Variants in STON2 observed in about 807,000 individuals in gnomAD.
STON2 encodes stonin 2.
Under a neutral mutation model 65.7 loss-of-function variants are expected in STON2, and 29 were observed. The observed-to-expected ratio is 0.44, with a 90% CI of 0.33 to 0.60. STON2 has a LOEUF of 0.60. Ranked by LOEUF, STON2 falls within the 20% of genes least tolerant of loss-of-function variation. The pLI is 0.03. For synonymous variants in STON2, 404 were observed against 414.2 expected, an observed-to-expected ratio of 0.98 and a Z score of 0.30; for missense variants, 1,054 against 1,118.1, an observed-to-expected ratio of 0.94 and a Z score of 0.82.
chr14:81,375,360 T>C (rs918955380), intron 3 of STON2, among the ~76,000 whole-genome samples: 1 of 151,960 alleles, frequency 6.6e-6, no homozygotes, highest in African/African-American at 2.4e-5. Context: ...CAAAGGATTA[T>C]CAATGATGAA....
chr14:81,342,000 CT>C (rs1325123211), intron 4 of STON2, among the ~76,000 whole-genome samples: 2 of 152,204 alleles, frequency 1.3e-5, no homozygotes, highest in African/African-American at 4.8e-5. Flanking sequence ...TTCACAGGCA[CT>C]GATCTAGGAG....
intron 1 of STON2, among the ~76,000 whole-genome samples, chr14:81,433,672 G>A (rs1902301847): frequency 6.6e-6 from 1 of 152,202 alleles, no homozygotes; most frequent in Non-Finnish European, 1.5e-5. Context: ...AGATGCTACA[G>A]TTTTGTTCTA....
At chr14:81,327,151 C>A (rs2140256168) in intron 4 of STON2, among the ~76,000 whole-genome samples, 1 of 152,246 alleles carries the variant, frequency 6.6e-6, no homozygotes, top group South Asian at 2.1e-4. Context: ...GCGCAAGACT[C>A]CATCTCAAAA....
chr14:81,303,367 T>A (rs1896045834), intron 5 of STON2, among the ~76,000 whole-genome samples: 1 of 152,172 alleles, frequency 6.6e-6, no homozygotes, highest in South Asian at 2.1e-4. Flanking sequence ...GATCAAGCAT[T>A]GTGCACACTT....
intron 2 of STON2, among the ~76,000 whole-genome samples, chr14:81,416,015 G>C (rs987333745): frequency 6.6e-6 from 1 of 152,132 alleles, no homozygotes; most frequent in Admixed American, 6.5e-5. Flanking sequence ...TCCTGGAAGA[G>C]GCTGTATCTA....
chr14:81,373,789 A>T (rs974679793), intron 3 of STON2, among the ~76,000 whole-genome samples: 9 of 152,164 alleles, frequency 5.9e-5, no homozygotes, highest in African/African-American at 2.2e-4. Flanking sequence ...CCTTAGCTGA[A>T]GATAGGAAAG....
At chr14:81,417,779 TAGA>T (rs1189482203) in intron 2 of STON2, among the ~76,000 whole-genome samples, 4 of 152,068 alleles carry the variant, frequency 2.6e-5, no homozygotes, top group Non-Finnish European at 4.4e-5. Flanking sequence ...AGTAAAAAGA[TAGA>T]AGAAGATGAC....
intron 4 of STON2, among the ~76,000 whole-genome samples, chr14:81,361,774 C>T (rs898998765): frequency 2.0e-5 from 3 of 151,024 alleles, no homozygotes; most frequent in East Asian, 2.0e-4. Flanking sequence ...AAGATATATA[C>T]AAAACTCAAA....
At chr14:81,275,479 G>A (rs899871657) in intron 6 of STON2, among the ~76,000 whole-genome samples, 12 of 151,994 alleles carry the variant, frequency 7.9e-5, no homozygotes, top group Non-Finnish European at 1.2e-4. Flanking sequence ...AAGGGCTTCC[G>A]TGTCAAAGGA....
At chr14:81,326,612 G>A (rs1014194612) in intron 4 of STON2, among the ~76,000 whole-genome samples, 2 of 152,160 alleles carry the variant, frequency 1.3e-5, no homozygotes, top group African/African-American at 4.8e-5. Context: ...TAATATACAA[G>A]TTAGAACAGG....
At chr14:81,389,869 C>T (rs193240554) in intron 3 of STON2, among the ~76,000 whole-genome samples, 38 of 148,222 alleles carry the variant, frequency 2.6e-4, no homozygotes, top group African/African-American at 8.9e-4. Flanking sequence ...CCAGCATCCA[C>T]TTATTCCTTT....
intron 3 of STON2, among the ~76,000 whole-genome samples, chr14:81,391,423 T>C (rs539806433): frequency 6.6e-6 from 1 of 152,294 alleles, no homozygotes; most frequent in South Asian, 2.1e-4. Context: ...GGGGAATGTC[T>C]ACATTATCCA....
chr14:81,390,589 A>C (rs1340650107), intron 3 of STON2, among the ~76,000 whole-genome samples: 1 of 145,720 alleles, frequency 6.9e-6, no homozygotes, highest in African/African-American at 2.8e-5. Context: ...AAAAACAAAC[A>C]AACAAACAAA....
chr14:81,275,360 G>A (rs961974995), intron 6 of STON2, among the ~76,000 whole-genome samples: 2 of 151,956 alleles, frequency 1.3e-5, no homozygotes, highest in Admixed American at 6.6e-5. Flanking sequence ...CTCTAGATAC[G>A]TCACATCACC....
Position 81,268,202 on chromosome 14 carries a change from T to C in STON2, c.*212A>G. On this transcript the variant is annotated 3_prime_UTR_variant, in exon 8 of 8. Transcript: ENST00000614646. ...CCTCGTGCTTTAGGCATGACCAGAA[T>C]CAAAGAGCCTCTCCAAAAGCCACCA... 8.8e-7 allele frequency: 1 copy of C among 1,142,678 alleles called. No individual in the cohort carries two copies. The highest frequency in any genetic ancestry group is 1.9e-5 in the South Asian group (1 of 51,692). The allele number at this position is 1,142,678 out of a possible 1,614,324, so 70.8% of individuals were successfully genotyped here.
chr14:81,388,550 C>A (rs1428134991), intron 3 of STON2, among the ~76,000 whole-genome samples: 1 of 152,140 alleles, frequency 6.6e-6, no homozygotes, highest in South Asian at 2.1e-4. Flanking sequence ...TAAATACCAT[C>A]AAAAATAAGA....
chr14:81,355,457 A>G (rs7153529), intron 4 of STON2, among the ~76,000 whole-genome samples: 4,629 of 152,272 alleles, frequency 0.03, 248 homozygotes, highest in African/African-American at 0.1. Context: ...CTCAGCAGAA[A>G]CTGTAGGTCT....
upstream of STON2, among the ~76,000 whole-genome samples, chr14:81,404,191 T>C (rs1319990259): frequency 6.6e-6 from 1 of 152,212 alleles, no homozygotes; most frequent in Non-Finnish European, 1.5e-5. Context: ...GGGAAATATG[T>C]TCATTCCCCT....
In STON2 at chr14:81,266,967, TA is replaced by T; in HGVS notation, c.*1446del. 1.0e-6 allele frequency: 1 copy of T among 984,916 alleles called. No homozygotes were observed. The highest frequency in any genetic ancestry group is 1.2e-6 in the Non-Finnish European group (1 of 829,438). 61.0% of individuals were successfully genotyped at this position (984,916 alleles called of 1,614,324 possible). On this transcript the variant is annotated 3_prime_UTR_variant, in exon 8 of 8. Coordinates refer to ENST00000614646, the MANE Select transcript of STON2 (RefSeq NM_001394390.1). ...TTAGTTCAGATATTTCAAAATACTG[TA>T]ACTATTTCTATATCCCAGTGTCAAT... is the stretch of plus-strand genomic sequence containing the variant.
Sources: gnomAD v4.1 joint callset for allele counts (sites outside exome capture counted in the v4.1 genomes callset) on GRCh38, gnomAD v4.1.1 for gene constraint, MANE v1.5 for transcripts, NCBI Gene and HGNC (gene_info 2026-07-23, HGNC 2026-07-21) for gene names.